NTRK2: variants seen among roughly 807,000 people sequenced by gnomAD.
NTRK2 encodes the protein BDNF/NT-3 growth factors receptor.
NTRK2 carries 13 observed loss-of-function variants against 94.5 expected under a neutral mutation model. The observed-to-expected ratio is 0.14, with a 90% CI of 0.09 to 0.22. NTRK2 has a LOEUF of 0.22. Ranked by LOEUF, NTRK2 falls within the 10% of genes least tolerant of loss-of-function variation. The pLI, the probability that NTRK2 is intolerant of heterozygous loss-of-function variation, is 1.00. For synonymous variants in NTRK2, 372 were observed against 407.4 expected, an observed-to-expected ratio of 0.91 and a Z score of 1.05; for missense variants, 639 against 1,071.2, an observed-to-expected ratio of 0.60 and a Z score of 5.63.
At chr9:84,846,788 C>T (rs1011655935) in intron 12 of NTRK2, among the ~76,000 whole-genome samples, 2 of 152,144 alleles carry the variant, frequency 1.3e-5, no homozygotes, top group African/African-American at 4.8e-5. Context: ...CTGCTGCCAG[C>T]GTAAAACTGC....
At chr9:84,749,839 A>G (rs2064423602) in intron 11 of NTRK2, among the ~76,000 whole-genome samples, 1 of 152,200 alleles carries the variant, frequency 6.6e-6, no homozygotes, top group South Asian at 2.1e-4. Context: ...TCTCTACCCT[A>G]TAATGCTTCT....
chr9:84,683,589 A>G (rs2059523946), intron 2 of NTRK2, among the ~76,000 whole-genome samples: 1 of 152,140 alleles, frequency 6.6e-6, no homozygotes, highest in Non-Finnish European at 1.5e-5. Context: ...CCAGTCTATC[A>G]TTGATGGGCA....
intron 9 of NTRK2, among the ~76,000 whole-genome samples, chr9:84,732,628 C>A (rs181879523): frequency 2.0e-5 from 3 of 152,156 alleles, no homozygotes; most frequent in Admixed American, 6.5e-5. Flanking sequence ...GATTTGAGCT[C>A]GTGGCCAGTC....
At chr9:84,861,214 T>A in intron 13 of NTRK2, 127 bp downstream of exon 13, 2 of 777,656 alleles carry the variant, frequency 2.6e-6, no homozygotes, top group Non-Finnish European at 4.2e-6. Flanking sequence ...GGTTTTTGAT[T>A]TGTTGAAGAA....
intron 5 of NTRK2, among the ~76,000 whole-genome samples, chr9:84,710,105 G>C (rs528749511): frequency 2.6e-5 from 4 of 152,158 alleles, no homozygotes; most frequent in African/African-American, 9.7e-5. Context: ...CAGAAAGCTA[G>C]GGGTGCCAGC....
At position 84,841,203 on chromosome 9, in the gene NTRK2, G is replaced by A. The variant is rs549945858; in HGVS notation, c.1397-19837G>A. On this transcript the variant is annotated intron_variant, in intron 12 of 18. Transcript: ENST00000277120. ...GACCTGTCTTCCGAACTGTAGGCTC[G>A]TATGCCACCTATCTGCTCAGCAGCT... Among the ~76,000 whole-genome samples the A allele has an allele frequency of 7.2e-5, 11 of 152,252 alleles. No individual in the cohort carries two copies. In the South Asian group the frequency reaches 1.7e-3, roughly 23 times the overall value.
chr9:84,949,685 C>T (rs879604374), intron 16 of NTRK2, among the ~76,000 whole-genome samples: 15 of 152,100 alleles, frequency 9.9e-5, no homozygotes, highest in Non-Finnish European at 1.6e-4. Context: ...AGGCTGGTCT[C>T]GAACTCCTGA....
intron 12 of NTRK2, among the ~76,000 whole-genome samples, chr9:84,820,786 TC>T (rs2072762159): frequency 6.6e-6 from 1 of 152,192 alleles, no homozygotes; most frequent in Non-Finnish European, 1.5e-5. Context: ...ACCAAGCAAC[TC>T]CATCTTTGGC....
chr9:84,979,173 C>T (rs971529144), intron 17 of NTRK2, among the ~76,000 whole-genome samples: 2 of 152,186 alleles, frequency 1.3e-5, no homozygotes, highest in African/African-American at 4.8e-5. Context: ...GTAATAGCTG[C>T]CATAGAGAGT....
chr9:84,846,852 G>T (rs764940117), intron 12 of NTRK2, among the ~76,000 whole-genome samples: 1 of 152,134 alleles, frequency 6.6e-6, no homozygotes, highest in Admixed American at 6.5e-5. Flanking sequence ...CTCAAGACTC[G>T]CATCGTTCCC....
intron 14 of NTRK2, among the ~76,000 whole-genome samples, chr9:84,931,412 A>AG (rs1455614414): frequency 6.7e-6 from 1 of 150,022 alleles, no homozygotes; most frequent in Non-Finnish European, 1.5e-5. Flanking sequence ...GTCTCAAAAA[A>AG]AAAAAGAGAG....
At chr9:84,926,849 G>T (rs1013910204) in intron 14 of NTRK2, among the ~76,000 whole-genome samples, 1 of 152,168 alleles carries the variant, frequency 6.6e-6, no homozygotes, top group South Asian at 2.1e-4. Context: ...ATGCCCATAG[G>T]TGTTTATTTT....
At position 84,794,693 on chromosome 9, in the gene NTRK2, T is replaced by C. The variant is rs151129372; in HGVS notation, c.1396+42608T>C. On this transcript the variant is annotated intron_variant, in intron 12 of 18. Transcript: ENST00000277120. ...TGTCACACACAGAGCTTTATAATTA[T>C]GGTAGAGGGGCATATAGTCAAAGGA... 3.9e-5 allele frequency among the ~76,000 whole-genome samples: 6 copies of C among 152,334 alleles called. No homozygotes were observed. The East Asian group carries it at 1.2e-3, about 29-fold the overall frequency.
chr9:84,872,083 G>T (rs2075886672), intron 14 of NTRK2: 1 of 1,350,764 alleles, frequency 7.4e-7, no homozygotes, highest in Non-Finnish European at 9.6e-7. Flanking sequence ...TGGCAAGATG[G>T]AGCTGAGGAG....
chr9:84,927,417 C>T (rs182704662), intron 14 of NTRK2, among the ~76,000 whole-genome samples: 4 of 141,164 alleles, frequency 2.8e-5, no homozygotes, highest in African/African-American at 7.8e-5. Context: ...GTTTTTCTGC[C>T]CTTTAGGTTA....
At chr9:84,985,964 CTT>C (rs1216736441) in intron 17 of NTRK2, among the ~76,000 whole-genome samples, 1 of 152,164 alleles carries the variant, frequency 6.6e-6, no homozygotes, top group East Asian at 1.9e-4. Context: ...CTCCAGGACT[CTT>C]TGAATTTCTA....
chr9:84,776,314 C>T (rs1411781258), intron 12 of NTRK2, among the ~76,000 whole-genome samples: 3 of 152,268 alleles, frequency 2.0e-5, no homozygotes, highest in East Asian at 1.9e-4. Context: ...CTCTGCCTCC[C>T]AGGTTCAAGC....
chr9:85,004,596 A>G (rs924791053), intron 17 of NTRK2, among the ~76,000 whole-genome samples: 6 of 152,218 alleles, frequency 3.9e-5, no homozygotes, highest in Non-Finnish European at 5.9e-5. Context: ...AGACCTTGGG[A>G]GGGAATTCGC....
chr9:84,926,210 C>A (rs1414335300), intron 14 of NTRK2, among the ~76,000 whole-genome samples: 1 of 123,828 alleles, frequency 8.1e-6, no homozygotes, highest in Non-Finnish European at 1.7e-5. Flanking sequence ...TTCTTTCTTT[C>A]TTTCTTTCTT....
Sources: gnomAD v4.1 joint callset for allele counts (sites outside exome capture counted in the v4.1 genomes callset) on GRCh38, gnomAD v4.1.1 for gene constraint, MANE v1.5 for transcripts, NCBI Gene and HGNC (gene_info 2026-07-23, HGNC 2026-07-21) for gene names.